The following CCDC6 variants were observed in gnomAD, a reference collection of about 807,000 sequenced individuals.
CCDC6 encodes the protein coiled-coil domain-containing protein 6.
Under a neutral mutation model 56.6 loss-of-function variants are expected in CCDC6, and 20 were observed. The observed-to-expected ratio is 0.35, with a 90% CI of 0.25 to 0.51. The LOEUF (loss-of-function observed/expected upper bound fraction) is 0.51. CCDC6 is among the 20% of genes least tolerant of loss of function. The probability of loss-of-function intolerance (pLI) is 0.95; values close to 1 mark genes in which losing one functional copy is unlikely to be tolerated. For synonymous variants in CCDC6, 241 were observed against 234.4 expected (o/e 1.03, Z -0.26); for missense variants, 367 against 601.1 (o/e 0.61, Z 4.07).
chr10:59,895,735 T>C (rs564774284), intron 1 of CCDC6, among the ~76,000 whole-genome samples: 1 of 152,340 alleles, frequency 6.6e-6, no homozygotes, highest in South Asian at 2.1e-4. Flanking sequence ...TCCTTGACGT[T>C]CTGGAGGCAA....
chr10:59,798,321 C>A (rs1189380281), intron 7 of CCDC6, among the ~76,000 whole-genome samples: 2 of 152,244 alleles, frequency 1.3e-5, no homozygotes, highest in Non-Finnish European at 2.9e-5. Context: ...GCTCTTCCAT[C>A]TGTCTTTTTT....
At chr10:59,827,416 C>T (rs2070797056) in intron 3 of CCDC6, among the ~76,000 whole-genome samples, 1 of 152,180 alleles carries the variant, frequency 6.6e-6, no homozygotes, top group Non-Finnish European at 1.5e-5. Context: ...GTGTAGTCCA[C>T]ATTTGAATAA....
intron 3 of CCDC6, among the ~76,000 whole-genome samples, chr10:59,815,478 A>T (rs1002778855): frequency 6.6e-6 from 1 of 152,194 alleles, no homozygotes; most frequent in African/African-American, 2.4e-5. Context: ...GCAGTGAATC[A>T]AGGAGTCAGG....
chr10:59,814,395 T>C (rs918634188), intron 4 of CCDC6, among the ~76,000 whole-genome samples: 7 of 152,216 alleles, frequency 4.6e-5, no homozygotes, highest in African/African-American at 1.7e-4. Flanking sequence ...AATAGCAGCA[T>C]GACTAATTCT....
chr10:59,830,973 TG>T (rs1462614307), intron 3 of CCDC6, among the ~76,000 whole-genome samples: 3 of 152,252 alleles, frequency 2.0e-5, no homozygotes, highest in Non-Finnish European at 4.4e-5. Context: ...TACTAGCTTC[TG>T]TGAGGACTTC....
chr10:59,878,209 TC>T (rs1016367249), intron 1 of CCDC6, among the ~76,000 whole-genome samples: 2 of 152,204 alleles, frequency 1.3e-5, no homozygotes, highest in African/African-American at 4.8e-5. Context: ...TAGAAATTTT[TC>T]TTGAGAAACA....
At chr10:59,885,698 C>T (rs777934047) in intron 1 of CCDC6, among the ~76,000 whole-genome samples, 2 of 152,050 alleles carry the variant, frequency 1.3e-5, no homozygotes, top group African/African-American at 2.4e-5. Context: ...TCCCTGGGCC[C>T]AGAACATTTT....
At chr10:59,815,924 A>G (rs545263169) in intron 3 of CCDC6, among the ~76,000 whole-genome samples, 187 of 152,382 alleles carry the variant, frequency 1.2e-3, no homozygotes, top group Non-Finnish European at 1.8e-3. Flanking sequence ...AAAGCAATCA[A>G]ACATCAGAAA....
In CCDC6 at chr10:59,791,474, G is replaced by A. The variant is rs1252293200; in HGVS notation, c.*1443C>T. ...GTCATGGTTCCTTATTTTTAGGAGT[G>A]TGTTTAATAAAGAGTTGGCTATTAG... On this transcript the variant is annotated 3_prime_UTR_variant, in exon 9 of 9. Coordinates refer to ENST00000263102, the MANE Select transcript of CCDC6 (RefSeq NM_005436.5). 1 of 196,052 alleles carries A rather than the reference G, an allele frequency of 5.1e-6. No individual in the cohort carries two copies. Among genetic ancestry groups the A allele is most frequent in the Admixed American group, 6.1e-5 (1 of 16,476 alleles). The allele number at this position is 196,052 out of a possible 1,614,324, so 12.1% of individuals were successfully genotyped here.
At chr10:59,838,851 T>C (rs1266418018) in intron 2 of CCDC6, among the ~76,000 whole-genome samples, 1 of 152,118 alleles carries the variant, frequency 6.6e-6, no homozygotes, top group Non-Finnish European at 1.5e-5. Context: ...CCCCTCAATT[T>C]ACCAAGACTA....
chr10:59,823,997 G>T (rs2070767170), intron 3 of CCDC6, among the ~76,000 whole-genome samples: 1 of 152,190 alleles, frequency 6.6e-6, no homozygotes, highest in African/African-American at 2.4e-5. Flanking sequence ...ATTGGATCAT[G>T]ATGAGCTGCC....
chr10:59,815,808 T>G (rs903275624), intron 3 of CCDC6, among the ~76,000 whole-genome samples: 1 of 152,244 alleles, frequency 6.6e-6, no homozygotes, highest in Non-Finnish European at 1.5e-5. Context: ...AAGATGTTAA[T>G]AGATTCCACA....
At chr10:59,826,842 G>A (rs532445670) in intron 3 of CCDC6, among the ~76,000 whole-genome samples, 2 of 152,310 alleles carry the variant, frequency 1.3e-5, no homozygotes, top group Admixed American at 1.3e-4. Context: ...AGGGCAAAGG[G>A]CAAAGTACCA....
At chr10:59,862,801 T>C (rs1161077457) in intron 1 of CCDC6, among the ~76,000 whole-genome samples, 2 of 152,096 alleles carry the variant, frequency 1.3e-5, no homozygotes, top group Admixed American at 6.6e-5. Flanking sequence ...ATATAACGTA[T>C]ATGGCAGTGT....
rs1216850037 is a variant in CCDC6 at position 59,789,368 on chromosome 10, C to G, written c.*3549G>C. 1 of 230,206 alleles carries G rather than the reference C, an allele frequency of 4.3e-6. No homozygotes were observed. Among genetic ancestry groups the G allele is most frequent in the African/African-American group, 2.2e-5 (1 of 45,102 alleles). The allele number at this position is 230,206 out of a possible 1,614,324, so 14.3% of individuals were successfully genotyped here. ...ACCTGGGCTTGGCAGTTAATCAGAA[C>G]TGCTGAGCATTCCAGAAAATGCCCC... On this transcript the variant is annotated 3_prime_UTR_variant, in exon 9 of 9. Transcript: ENST00000263102.
At chr10:59,876,589 GA>G (rs10714988) in intron 1 of CCDC6, among the ~76,000 whole-genome samples, 22,196 of 101,586 alleles carry the variant, frequency 0.22, 2,181 homozygotes, top group African/African-American at 0.38. Context: ...TGTTAAGGGG[GA>G]AAAAAAAAAA....
chr10:59,814,341 A>G (rs2070695746), intron 4 of CCDC6, among the ~76,000 whole-genome samples: 1 of 152,208 alleles, frequency 6.6e-6, no homozygotes, highest in Non-Finnish European at 1.5e-5. Context: ...ATAAGGTGGA[A>G]AGTTGAAATT....
At chr10:59,853,960 G>A (rs1208201358) in intron 1 of CCDC6, among the ~76,000 whole-genome samples, 1 of 151,970 alleles carries the variant, frequency 6.6e-6, no homozygotes, top group Non-Finnish European at 1.5e-5. Flanking sequence ...TTTGGGAAAG[G>A]GCATCCATGT....
At chr10:59,847,384 T>G (rs1303179998) in intron 2 of CCDC6, among the ~76,000 whole-genome samples, 1 of 152,114 alleles carries the variant, frequency 6.6e-6, no homozygotes, top group African/African-American at 2.4e-5. Flanking sequence ...AAAGAAGTTT[T>G]ACAATAGAGG....
Sources: allele counts gnomAD v4.1 joint callset (sites outside exome capture counted in the v4.1 genomes callset), GRCh38; gene constraint gnomAD v4.1.1; transcripts MANE v1.5; gene names NCBI Gene and HGNC (gene_info 2026-07-23, HGNC 2026-07-21).